Variants in CELF4 observed in about 807,000 individuals in gnomAD.
CELF4 encodes CUG-BP- and ETR-3-like factor 4.
CELF4 carries 18 observed loss-of-function variants against 59.9 expected under a neutral mutation model. That is an observed-to-expected ratio of 0.30 (90% confidence interval 0.21 to 0.45). The LOEUF is 0.45. Ranked by LOEUF, CELF4 falls within the 20% of genes least tolerant of loss-of-function variation. The pLI is 1.00. For synonymous variants in CELF4, 261 were observed against 267.1 expected, an observed-to-expected ratio of 0.98 and a Z score of 0.22; for missense variants, 456 against 689.0, an observed-to-expected ratio of 0.66 and a Z score of 3.79.
intron 3 of CELF4, among the ~76,000 whole-genome samples, chr18:37,289,340 A>G (rs1328155728): frequency 8.7e-6 from 1 of 114,488 alleles, no homozygotes; most frequent in Non-Finnish European, 1.7e-5. Flanking sequence ...GGGAGCTCAG[A>G]GGACAGAATG....
At chr18:37,326,584 G>A (rs2097322330) in intron 2 of CELF4, among the ~76,000 whole-genome samples, 1 of 152,176 alleles carries the variant, frequency 6.6e-6, no homozygotes, top group Non-Finnish European at 1.5e-5. Context: ...GGGATTTGGT[G>A]AGCCAGGCCT....
chr18:37,391,909 C>T (rs1227099151), intron 2 of CELF4, among the ~76,000 whole-genome samples: 1 of 152,214 alleles, frequency 6.6e-6, no homozygotes, highest in African/African-American at 2.4e-5. Flanking sequence ...TTTTCAGCTG[C>T]GGAGTTTCGC....
chr18:37,272,487 C>T (rs1291824403), intron 7 of CELF4, among the ~76,000 whole-genome samples: 1 of 148,364 alleles, frequency 6.7e-6, no homozygotes, highest in East Asian at 2.0e-4. Context: ...ACTCCTGTCC[C>T]TTGATAACTC....
At chr18:37,465,373 C>T (rs747144753) in intron 2 of CELF4, among the ~76,000 whole-genome samples, 39 of 152,178 alleles carry the variant, frequency 2.6e-4, no homozygotes, top group Admixed American at 1.9e-3. Context: ...AGACACAACA[C>T]GCATTAGCTT....
chr18:37,354,258 T>C (rs1341406717), intron 2 of CELF4, among the ~76,000 whole-genome samples: 2 of 152,046 alleles, frequency 1.3e-5, no homozygotes, highest in Non-Finnish European at 2.9e-5. Flanking sequence ...ATGGCCAAAC[T>C]AAGTCTAGGT....
chr18:37,560,010 T>TGTTGTG (rs2099986056), intron 1 of CELF4, among the ~76,000 whole-genome samples: 1 of 152,254 alleles, frequency 6.6e-6, no homozygotes, highest in African/African-American at 2.4e-5. Flanking sequence ...AAAGATTTCA[T>TGTTGTG]TTTGTTGTGT....
intron 2 of CELF4, among the ~76,000 whole-genome samples, chr18:37,382,252 C>T (rs1769552347): frequency 6.6e-6 from 1 of 152,172 alleles, no homozygotes; most frequent in African/African-American, 2.4e-5. Flanking sequence ...AGGCAGCTAG[C>T]CCAGGCCCAC....
At chr18:37,539,872 G>A (rs2154605409) in intron 1 of CELF4, among the ~76,000 whole-genome samples, 1 of 152,304 alleles carries the variant, frequency 6.6e-6, no homozygotes, top group South Asian at 2.1e-4. Flanking sequence ...ATGCTGTCAT[G>A]GGCTTGCTGT....
intron 1 of CELF4, among the ~76,000 whole-genome samples, chr18:37,541,181 C>T (rs1395868681): frequency 2.0e-5 from 3 of 152,122 alleles, no homozygotes; most frequent in Non-Finnish European, 4.4e-5. Context: ...CTCTGAGCTC[C>T]AGGATCATAT....
rs1030082745 is a variant in CELF4, at chr18:37,245,373, T to G, written c.*45-176A>C. On this transcript the variant is annotated intron_variant, in intron 12 of 12. Coordinates refer to ENST00000420428, the MANE Select transcript of CELF4 (RefSeq NM_020180.4). This position sits in a 1 kb window ranked among gnomAD's most constrained non-coding sequence, Gnocchi z 4.1. Reference sequence around the variant, plus strand: ...GATCATGATACATTAAAAAGAAATATACTCTTCTATTCAGAGTAGAAACCA... The same window carrying G: ...GATCATGATACATTAAAAAGAAATAGACTCTTCTATTCAGAGTAGAAACCA... Among the ~76,000 whole-genome samples, 8 of 152,198 alleles carry G rather than the reference T, an allele frequency of 5.3e-5. No individual in the cohort carries two copies. In the East Asian group the frequency reaches 7.7e-4, roughly 15 times the overall value.
intron 2 of CELF4, among the ~76,000 whole-genome samples, chr18:37,447,750 C>G (rs1165710688): frequency 2.0e-5 from 3 of 152,196 alleles, no homozygotes; most frequent in Non-Finnish European, 2.9e-5. Flanking sequence ...CCCTGGTGTT[C>G]GGGTTTGGGC....
chr18:37,395,845 C>T (rs2099238161), intron 2 of CELF4, among the ~76,000 whole-genome samples: 1 of 152,162 alleles, frequency 6.6e-6, no homozygotes, highest in Admixed American at 6.5e-5. Context: ...CACTCAGCTC[C>T]CCATGGTGTG....
At chr18:37,334,112 G>C (rs1387916426) in intron 2 of CELF4, among the ~76,000 whole-genome samples, 1 of 152,172 alleles carries the variant, frequency 6.6e-6, no homozygotes, top group African/African-American at 2.4e-5. Flanking sequence ...GTATAGTGTT[G>C]GAGTTAGGCT....
intron 3 of CELF4, among the ~76,000 whole-genome samples, chr18:37,298,593 G>T (rs1376433151): frequency 6.6e-6 from 1 of 152,024 alleles, no homozygotes; most frequent in Non-Finnish European, 1.5e-5. Context: ...AGCTGAGTGT[G>T]GTGGCACACA....
At chr18:37,313,717 G>T (rs1308897111) in intron 3 of CELF4, among the ~76,000 whole-genome samples, 1 of 152,218 alleles carries the variant, frequency 6.6e-6, no homozygotes, top group East Asian at 1.9e-4. Context: ...ATAAAATAAT[G>T]CTCGGAGGAG....
At chr18:37,311,616 C>T (rs1478746591) in intron 3 of CELF4, among the ~76,000 whole-genome samples, 3 of 151,536 alleles carry the variant, frequency 2.0e-5, no homozygotes, top group South Asian at 2.1e-4. Flanking sequence ...GGTAAAACCC[C>T]GTCTCTACTA....
At chr18:37,489,919 G>A (rs188802439) in intron 1 of CELF4, among the ~76,000 whole-genome samples, 1 of 152,240 alleles carries the variant, frequency 6.6e-6, no homozygotes, top group African/African-American at 2.4e-5. Flanking sequence ...TCCCTCCCAA[G>A]TCCTGATCCT....
chr18:37,297,817 C>T (rs1242298374), intron 3 of CELF4, among the ~76,000 whole-genome samples: 4 of 152,224 alleles, frequency 2.6e-5, no homozygotes, highest in South Asian at 2.1e-4. Flanking sequence ...TGGCTTCTTT[C>T]GCTCGTTGTA....
intron 1 of CELF4, among the ~76,000 whole-genome samples, chr18:37,506,386 G>C (rs908693505): frequency 6.6e-6 from 1 of 152,186 alleles, no homozygotes; most frequent in Non-Finnish European, 1.5e-5. Flanking sequence ...CCAGCTCCCT[G>C]TAGGTCAAGC....
Sources: gnomAD v4.1 joint callset for allele counts (sites outside exome capture counted in the v4.1 genomes callset) on GRCh38, gnomAD v4.1.1 for gene constraint, Gnocchi (gnomAD v3.1) non-coding constraint, MANE v1.5 for transcripts, NCBI Gene and HGNC (gene_info 2026-07-23, HGNC 2026-07-21) for gene names.